STK35: variants seen among roughly 807,000 people sequenced by gnomAD.
The protein encoded by STK35 is serine/threonine-protein kinase 35.
STK35 carries 17 observed loss-of-function variants against 37.3 expected under a neutral mutation model. That is an observed-to-expected ratio of 0.46 (90% CI 0.31 to 0.68). The LOEUF (loss-of-function observed/expected upper bound fraction) is 0.68, where lower values mean the gene tolerates loss of function less well. Among genes scored for constraint, STK35 ranks in the 30% least tolerant of loss-of-function variants. The pLI, the probability that STK35 is intolerant of heterozygous loss-of-function variation, is 0.05. For synonymous variants in STK35, 385 were observed against 319.1 expected (o/e 1.21, Z -2.20); for missense variants, 595 against 746.7 (o/e 0.80, Z 2.37).
chr20:2,123,877 G>A (rs531210642), intron 3 of STK35, among the ~76,000 whole-genome samples: 1 of 152,314 alleles, frequency 6.6e-6, no homozygotes, highest in Non-Finnish European at 1.5e-5. Flanking sequence ...GCTGAGGAGT[G>A]TGGCAGCCTG....
intron 3 of STK35, among the ~76,000 whole-genome samples, chr20:2,120,524 A>C (rs57237053): frequency 6.6e-6 from 1 of 152,184 alleles, no homozygotes; most frequent in Non-Finnish European, 1.5e-5. Context: ...GACCAGAGCC[A>C]AACCCTGTGT....
intron 2 of STK35, among the ~76,000 whole-genome samples, chr20:2,115,446 C>G (rs1056172629): frequency 1.3e-5 from 2 of 152,100 alleles, no homozygotes; most frequent in African/African-American, 4.8e-5. Flanking sequence ...CAGGTCCTGG[C>G]TCAGTTACAA....
intron 2 of STK35, among the ~76,000 whole-genome samples, chr20:2,107,390 G>A (rs1985535761): frequency 6.6e-6 from 1 of 152,236 alleles, no homozygotes; most frequent in South Asian, 2.1e-4. Flanking sequence ...TTTACCAATT[G>A]TTTGATGTCG....
In STK35 at chr20:2,125,470, G is replaced by A. The variant is rs28369130; in HGVS notation, c.*37+8055G>A. ...TGAGAGCCAGGATTTGAGACGAGATGTATCTGTCTGGAAACTCTACTGCTC... is the reference window on the plus strand; with the variant it reads ...TGAGAGCCAGGATTTGAGACGAGATATATCTGTCTGGAAACTCTACTGCTC... On this transcript the variant is annotated intron_variant, in intron 3 of 3. Transcript: ENST00000381482. Among the ~76,000 whole-genome samples the A allele has an allele frequency of 6.5e-3, 988 of 152,354 alleles. 13 individuals are homozygous for A. Among genetic ancestry groups the A allele is most frequent in the African/African-American group, 0.023 (952 of 41,578 alleles).
At chr20:2,108,543 T>G (rs555198052) in intron 2 of STK35, among the ~76,000 whole-genome samples, 10 of 152,214 alleles carry the variant, frequency 6.6e-5, no homozygotes, top group African/African-American at 2.4e-4. Context: ...CTCCTCTTTG[T>G]TTTTAGTTGT....
chr20:2,113,466 G>C (rs1415907510), intron 2 of STK35, among the ~76,000 whole-genome samples: 4 of 152,174 alleles, frequency 2.6e-5, no homozygotes, highest in African/African-American at 9.7e-5. Flanking sequence ...CATTTCAATT[G>C]TACCTGCAGA....
Position 2,138,736 on chromosome 20 carries a change from G to T in STK35, c.*38-5048G>T, listed in dbSNP as rs1253793622. ...TTTCATCAAAGAAATGATGTTTTAG[G>T]CCAGGCATGGTAGCTCATGCCTGTA... On this transcript the variant is annotated intron_variant, in intron 3 of 3. Transcript: ENST00000381482. Among the ~76,000 whole-genome samples the T allele has an allele frequency of 2.6e-5, 4 of 152,120 alleles. No individual in the cohort carries two copies. In the East Asian group the frequency reaches 7.7e-4, roughly 29 times the overall value.
chr20:2,141,830 A>G (rs1986176905), intron 3 of STK35, among the ~76,000 whole-genome samples: 1 of 152,048 alleles, frequency 6.6e-6, no homozygotes, highest in Non-Finnish European at 1.5e-5. Flanking sequence ...CAATGATCTC[A>G]TTTCCTCTGT....
At chr20:2,104,988 C>T (rs1255361498) in intron 2 of STK35, among the ~76,000 whole-genome samples, 1 of 151,218 alleles carries the variant, frequency 6.6e-6, no homozygotes, top group African/African-American at 2.4e-5. Flanking sequence ...CCCTGGTCTC[C>T]ACAAAAAATA....
chr20:2,102,852 C>A lies in STK35; in HGVS notation c.379C>A (p.Leu127Ile). The change falls in exon 2 of 4, where the codon CTC becomes ATC. Residue 127 changes from leucine to isoleucine, a missense_variant. Physicochemically the swap from Leu to Ile is conservative, Grantham distance 5. Transcript: ENST00000381482. ...GGGGGCCCGGGCAGCGCCGTTGCTG[C>A]TCCCCCCGCCGCCCGCAGCCATGGA... ...AGGARAAPLL[L>I]PPPPAAMETG... 6.5e-7 allele frequency: 1 copy of A among 1,549,026 alleles called. No homozygotes were observed.
intron 3 of STK35, among the ~76,000 whole-genome samples, chr20:2,127,465 G>T (rs536205866): frequency 2.0e-5 from 3 of 152,150 alleles, no homozygotes; most frequent in African/African-American, 4.8e-5. Context: ...TTAGTAACCA[G>T]ATTGCATCTT....
At chr20:2,120,079 A>G (rs1985790425) in intron 3 of STK35, among the ~76,000 whole-genome samples, 1 of 152,156 alleles carries the variant, frequency 6.6e-6, no homozygotes, top group Non-Finnish European at 1.5e-5. Flanking sequence ...TTTTAAATGT[A>G]TTTTGTGCTG....
At chr20:2,116,643 C>A (rs1451224774) in intron 2 of STK35, 23 bp from the exon 3 acceptor site, 3 of 1,600,116 alleles carry the variant, frequency 1.9e-6, no homozygotes, top group African/African-American at 2.7e-5. Flanking sequence ...CACTCAAGCT[C>A]CTTCCTGTCT....
chr20:2,145,162 C>G lies in STK35; in HGVS notation c.*1416C>G, dbSNP rs914732275. 2 of 152,384 alleles carry G rather than the reference C, an allele frequency of 1.3e-5. No homozygotes were observed. The highest frequency in any genetic ancestry group is 4.8e-5 in the African/African-American group (2 of 41,424). 9.4% of individuals were successfully genotyped at this position (152,384 alleles called of 1,614,324 possible). A position where few individuals can be genotyped will look rare whatever the true frequency, so the allele number is the denominator to read the frequency against. On this transcript the variant is annotated 3_prime_UTR_variant, in exon 4 of 4. Coordinates refer to ENST00000381482, the MANE Select transcript of STK35 (RefSeq NM_080836.4). ...TCTCGCACCTCCCTAGGGGAAGCTT[C>G]CCTCCCCCTGGGCTGCTGCTCTGAG... is the stretch of plus-strand genomic sequence containing the variant.
rs1174593850 is a variant in STK35, at chr20:2,143,927, T to C, written c.*181T>C. The C allele has an allele frequency of 2.3e-6, 1 of 432,546 alleles. No homozygotes were observed. The highest frequency in any genetic ancestry group is 4.5e-6 in the Non-Finnish European group (1 of 220,994). 26.8% of individuals were successfully genotyped at this position (432,546 alleles called of 1,614,324 possible). ...TTGTTTGGGTTTCCCCGCTTCTTTT[T>C]AGTTTTGCTTTATTTTTTTCCTTTT... On this transcript the variant is annotated 3_prime_UTR_variant, in exon 4 of 4. Coordinates refer to ENST00000381482, the MANE Select transcript of STK35 (RefSeq NM_080836.4).
intron 2 of STK35, among the ~76,000 whole-genome samples, chr20:2,105,952 G>A (rs888585663): frequency 1.3e-5 from 2 of 152,192 alleles, no homozygotes; most frequent in African/African-American, 4.8e-5. Context: ...GTCCCTTTCA[G>A]TTGTTTGGAG....
Position 2,109,436 on chromosome 20 carries a change from A to C in STK35, c.892+6071A>C, listed in dbSNP as rs367794226. Among the ~76,000 whole-genome samples the C allele has an allele frequency of 4.6e-5, 7 of 152,236 alleles. No homozygotes were observed. The East Asian group carries it at 9.6e-4, about 21-fold the overall frequency. On this transcript the variant is annotated intron_variant, in intron 2 of 3. Transcript: ENST00000381482. ...CAAGTAGTAATAGCTAGCATTTCGT[A>C]GTATTTTCATACTCCTTTTCTCATT...
chr20:2,125,431 C>T (rs942378064), intron 3 of STK35, among the ~76,000 whole-genome samples: 5 of 152,240 alleles, frequency 3.3e-5, no homozygotes, highest in African/African-American at 9.6e-5. Flanking sequence ...CAGAAAATCA[C>T]TTTCCTAAGG....
intron 3 of STK35, among the ~76,000 whole-genome samples, chr20:2,142,807 C>G (rs907596614): frequency 7.9e-5 from 12 of 152,116 alleles, no homozygotes; most frequent in Non-Finnish European, 1.5e-4. Flanking sequence ...GCACTGTTGC[C>G]CTAGATGGCC....
Sources: gnomAD v4.1 joint callset for allele counts (sites outside exome capture counted in the v4.1 genomes callset) on GRCh38, gnomAD v4.1.1 for gene constraint, MANE v1.5 for transcripts, NCBI Gene and HGNC (gene_info 2026-07-23, HGNC 2026-07-21) for gene names.